RIN2: variants seen among roughly 807,000 people sequenced by gnomAD.
RIN2 encodes the protein Ras and Rab interactor 2, also known as RAB5 interacting protein 2.
In RIN2, 36 loss-of-function variants were observed where a neutral mutation model predicts 78.0. That is an observed-to-expected ratio of 0.46 (90% CI 0.35 to 0.61). RIN2 has a LOEUF of 0.61. RIN2 is among the 20% of genes least tolerant of loss of function. The probability of loss-of-function intolerance (pLI) is 0.00; values close to 1 mark genes in which losing one functional copy is unlikely to be tolerated. For synonymous variants in RIN2, 466 were observed against 466.8 expected (o/e 1.00, Z 0.02); for missense variants, 1,087 against 1,159.7 (o/e 0.94, Z 0.91).
At chr20:19,760,896 G>A (rs2033614692) in intron 1 of RIN2, among the ~76,000 whole-genome samples, 1 of 152,130 alleles carries the variant, frequency 6.6e-6, no homozygotes, top group African/African-American at 2.4e-5. Flanking sequence ...GTGTGTATGT[G>A]TATGTATCTC....
chr20:19,930,084 C>A lies in RIN2; in HGVS notation c.58-5015C>A, dbSNP rs905468224. On this transcript the variant is annotated intron_variant, in intron 3 of 12. Transcript: ENST00000255006. ...TGAATGGAAGGGGAGGGAAAAGTTG[C>A]TGGGGGCTGGGGCTGGGGGGGATGC... 1.1e-4 allele frequency among the ~76,000 whole-genome samples: 14 copies of A among 125,986 alleles called. No homozygotes were observed. The Admixed American group carries it at 1.2e-3, about 11-fold the overall frequency. 82.7% of individuals were successfully genotyped at this position (125,986 alleles called of 152,430 possible).
At chr20:19,962,152 A>AAT (rs1309587337) in intron 6 of RIN2, among the ~76,000 whole-genome samples, 3 of 151,650 alleles carry the variant, frequency 2.0e-5, no homozygotes, top group African/African-American at 2.4e-5. Context: ...AAAAAAAAAA[A>AAT]AAATTAGCCA....
intron 6 of RIN2, among the ~76,000 whole-genome samples, chr20:19,961,852 A>G (rs1251060499): frequency 6.6e-6 from 1 of 152,198 alleles, no homozygotes; most frequent in Non-Finnish European, 1.5e-5. Flanking sequence ...GAACCCAGCC[A>G]ATAATGTAAA....
At chr20:19,957,124 G>A (rs898668916) in intron 5 of RIN2, among the ~76,000 whole-genome samples, 1 of 152,134 alleles carries the variant, frequency 6.6e-6, no homozygotes, top group Non-Finnish European at 1.5e-5. Context: ...CACTGAGGAT[G>A]AGCCTGGGTC....
chr20:19,851,440 G>A (rs531034249), intron 2 of RIN2, among the ~76,000 whole-genome samples: 1 of 152,110 alleles, frequency 6.6e-6, no homozygotes, highest in East Asian at 1.9e-4. Flanking sequence ...CTTGGTCTTG[G>A]GGCTGGGCAT....
intron 7 of RIN2, among the ~76,000 whole-genome samples, chr20:19,970,576 C>G (rs1456244654): frequency 1.3e-5 from 2 of 152,116 alleles, no homozygotes; most frequent in Admixed American, 1.3e-4. Flanking sequence ...GTTTTAGCTA[C>G]TCAGCAGGGC....
intron 3 of RIN2, among the ~76,000 whole-genome samples, chr20:19,912,480 T>C (rs1222891631): frequency 3.7e-5 from 5 of 135,104 alleles, no homozygotes; most frequent in African/African-American, 9.7e-5. Flanking sequence ...TTTTTCTTTT[T>C]TTTTTTTTTT....
At chr20:19,856,068 C>A (rs945174209) in intron 2 of RIN2, among the ~76,000 whole-genome samples, 1 of 151,924 alleles carries the variant, frequency 6.6e-6, no homozygotes, top group Non-Finnish European at 1.5e-5. Context: ...AGCAAGACTC[C>A]TTCTAGAACA....
At chr20:19,966,290 A>G (rs1160149297) in intron 7 of RIN2, among the ~76,000 whole-genome samples, 1 of 150,400 alleles carries the variant, frequency 6.6e-6, no homozygotes, top group Non-Finnish European at 1.5e-5. Flanking sequence ...ATGCCTGTTG[A>G]CTAGACTCTG....
At chr20:19,826,743 T>C (rs1390959759) in intron 2 of RIN2, among the ~76,000 whole-genome samples, 1 of 152,142 alleles carries the variant, frequency 6.6e-6, no homozygotes, top group Non-Finnish European at 1.5e-5. Context: ...ACGGAGGGAA[T>C]CTTGGGGCCT....
chr20:19,788,103 G>C (rs563828812), intron 1 of RIN2, among the ~76,000 whole-genome samples: 1 of 151,998 alleles, frequency 6.6e-6, no homozygotes, highest in Non-Finnish European at 1.5e-5. Context: ...TCTGACAAAG[G>C]GTATGTGCAA....
chr20:19,927,270 T>G (rs894652182), intron 3 of RIN2, among the ~76,000 whole-genome samples: 2 of 152,206 alleles, frequency 1.3e-5, no homozygotes, highest in African/African-American at 2.4e-5. Context: ...TTTTAAGAGA[T>G]GGGGTCTCAC....
chr20:19,980,235 A>G (rs916252914), intron 9 of RIN2, among the ~76,000 whole-genome samples: 4 of 152,156 alleles, frequency 2.6e-5, no homozygotes, highest in African/African-American at 9.7e-5. Context: ...TGGTATGCAA[A>G]AGGATACCTA....
chr20:19,943,058 G>A (rs1020915325), intron 4 of RIN2, among the ~76,000 whole-genome samples: 7 of 152,334 alleles, frequency 4.6e-5, no homozygotes, highest in South Asian at 4.1e-4. Flanking sequence ...TTGCCTTTCC[G>A]TGAAGCAGGG....
intron 8 of RIN2, among the ~76,000 whole-genome samples, chr20:19,974,282 C>T (rs1385013733): frequency 1.3e-5 from 2 of 152,146 alleles, no homozygotes; most frequent in African/African-American, 2.4e-5. Flanking sequence ...CTTTGTAAGT[C>T]GGTTCAGTTT....
At chr20:19,821,318 G>A (rs2035919827) in intron 2 of RIN2, among the ~76,000 whole-genome samples, 1 of 152,100 alleles carries the variant, frequency 6.6e-6, no homozygotes, top group African/African-American at 2.4e-5. Context: ...ATCCACTCAA[G>A]TTTCCTAAGA....
At chr20:19,772,277 C>T (rs564674072) in intron 1 of RIN2, among the ~76,000 whole-genome samples, 73 of 152,220 alleles carry the variant, frequency 4.8e-4, no homozygotes, top group African/African-American at 1.7e-3. Flanking sequence ...TTACAAAGAA[C>T]TCTTTACGAG....
At chr20:19,969,657 CG>C (rs1335667279) in intron 7 of RIN2, among the ~76,000 whole-genome samples, 1 of 152,192 alleles carries the variant, frequency 6.6e-6, no homozygotes, top group Non-Finnish European at 1.5e-5. Flanking sequence ...CCGTCTGTTT[CG>C]TTCCCAGCCC....
intron 2 of RIN2, among the ~76,000 whole-genome samples, chr20:19,851,030 G>A (rs1036471416): frequency 0.019 from 2,038 of 105,918 alleles, 55 homozygotes; most frequent in African/African-American, 0.075. Flanking sequence ...AGGAAGGAAG[G>A]AAGGAAGGAA....
Sources: allele counts gnomAD v4.1 joint callset (sites outside exome capture counted in the v4.1 genomes callset), GRCh38; gene constraint gnomAD v4.1.1; transcripts MANE v1.5; gene names NCBI Gene and HGNC (gene_info 2026-07-23, HGNC 2026-07-21).